Variants in MAN2A1 observed in about 807,000 individuals in gnomAD.
The protein encoded by MAN2A1 is alpha-mannosidase 2.
MAN2A1 carries 76 observed loss-of-function variants against 142.6 expected under a neutral mutation model. The observed-to-expected ratio is 0.53, with a 90% confidence interval of 0.44 to 0.65. The LOEUF (loss-of-function observed/expected upper bound fraction) is 0.65. Among genes scored for constraint, MAN2A1 ranks in the 30% least tolerant of loss-of-function variants. MAN2A1 has a pLI of 0.00. For synonymous variants in MAN2A1, 559 were observed against 473.2 expected (o/e 1.18, Z -2.35); for missense variants, 1,311 against 1,365.1 (o/e 0.96, Z 0.62).
chr5:109,786,194 A>T (rs1753591347), intron 10 of MAN2A1, among the ~76,000 whole-genome samples: 1 of 152,100 alleles, frequency 6.6e-6, no homozygotes, highest in Non-Finnish European at 1.5e-5. Context: ...ATTAGATGAT[A>T]AAGATGGTAT....
intron 3 of MAN2A1, among the ~76,000 whole-genome samples, chr5:109,721,422 A>C (rs1247426708): frequency 6.6e-6 from 1 of 152,176 alleles, no homozygotes; most frequent in Non-Finnish European, 1.5e-5. Context: ...TTGAATTTTC[A>C]ATAACAATGA....
At chr5:109,828,653 C>T (rs1378407682) in intron 16 of MAN2A1, among the ~76,000 whole-genome samples, 4 of 152,098 alleles carry the variant, frequency 2.6e-5, no homozygotes, top group Admixed American at 2.0e-4. Context: ...TGTTTGTTAG[C>T]GAGTTAGTAT....
chr5:109,777,445 T>C (rs1228518698), intron 8 of MAN2A1, among the ~76,000 whole-genome samples: 3 of 152,116 alleles, frequency 2.0e-5, no homozygotes, highest in Non-Finnish European at 2.9e-5. Flanking sequence ...TTTATAGCTC[T>C]TTGGTACATT....
At chr5:109,804,113 TC>T in intron 12 of MAN2A1, 2 of 972,164 alleles carry the variant, frequency 2.1e-6, no homozygotes, top group Non-Finnish European at 2.5e-6. Flanking sequence ...TTCAAAGTCT[TC>T]CACTCTTCTG....
In MAN2A1 at chr5:109,716,140, A is replaced by C. The variant is rs1052859995; in HGVS notation, c.411A>C (p.Leu137=). The C allele has an allele frequency of 2.5e-6, 4 of 1,608,814 alleles. No homozygotes were observed. Among genetic ancestry groups the C allele is most frequent in the African/African-American group, 2.7e-5 (2 of 74,820 alleles). Residue 137 remains leucine (L), a synonymous_variant, in exon 3 of 22, where the codon CTA becomes CTC. Transcript: ENST00000261483. ...TTTAGATGTTGGATGTTTACAGTCT[A>C]ATTTCTTTTGACAATCCAGATGGTG... ...SDVQMLDVYS[L]ISFDNPDGGV... is the part of the protein sequence containing the mutation.
At chr5:109,752,250 A>G (rs1752566766) in intron 4 of MAN2A1, among the ~76,000 whole-genome samples, 1 of 152,142 alleles carries the variant, frequency 6.6e-6, no homozygotes, top group South Asian at 2.1e-4. Flanking sequence ...ATCATCTCAT[A>G]CCTAGATAAT....
chr5:109,839,617 G>A (rs1755146396), intron 16 of MAN2A1, among the ~76,000 whole-genome samples: 1 of 148,880 alleles, frequency 6.7e-6, no homozygotes, highest in Non-Finnish European at 1.5e-5. Flanking sequence ...TTCGAGGCCA[G>A]CCTGAACAAC....
intron 20 of MAN2A1, chr5:109,862,628 G>C (rs1755784799): frequency 6.6e-6 from 1 of 152,162 alleles, no homozygotes; most frequent in Non-Finnish European, 1.5e-5. Flanking sequence ...CAGTGTGACT[G>C]CTTGAAGGTA....
intron 4 of MAN2A1, among the ~76,000 whole-genome samples, chr5:109,737,675 A>G (rs962087063): frequency 1.3e-5 from 2 of 152,180 alleles, no homozygotes; most frequent in African/African-American, 4.8e-5. Flanking sequence ...ATGAAAAAGT[A>G]TCGTTAGAGT....
chr5:109,865,188 T>G, intron 21 of MAN2A1, 42 bp downstream of exon 21: 3 of 1,346,282 alleles, frequency 2.2e-6, no homozygotes, highest in Non-Finnish European at 3.2e-6. Context: ...TAGTGTGCTT[T>G]GAAATCCTCT....
chr5:109,783,311 C>A (rs918741429), intron 9 of MAN2A1, among the ~76,000 whole-genome samples: 1 of 152,086 alleles, frequency 6.6e-6, no homozygotes, highest in African/African-American at 2.4e-5. Context: ...AGTAATATTT[C>A]ATCTCTCTGC....
chr5:109,800,938 G>A (rs1754012298), intron 12 of MAN2A1, among the ~76,000 whole-genome samples: 1 of 152,288 alleles, frequency 6.6e-6, no homozygotes, highest in East Asian at 1.9e-4. Flanking sequence ...ACCCTTATGG[G>A]AAAAGTTTTG....
chr5:109,800,258 A>G (rs1026533539), intron 12 of MAN2A1, among the ~76,000 whole-genome samples: 1 of 152,164 alleles, frequency 6.6e-6, no homozygotes, highest in Non-Finnish European at 1.5e-5. Flanking sequence ...CTTGGTTGAG[A>G]TCCTTGAAGC....
chr5:109,693,869 G>GA (rs149278164), intron 1 of MAN2A1, among the ~76,000 whole-genome samples: 2,788 of 152,292 alleles, frequency 0.018, 33 homozygotes, highest in Middle Eastern at 0.071. Context: ...TCTCAGCTAA[G>GA]AAAATTAATA....
At chr5:109,757,669 C>T (rs369762910) in intron 5 of MAN2A1, among the ~76,000 whole-genome samples, 1 of 152,124 alleles carries the variant, frequency 6.6e-6, no homozygotes, top group South Asian at 2.1e-4. Context: ...CCAAAGAAAC[C>T]TTATACCCAG....
At chr5:109,830,605 G>T (rs940358405) in intron 16 of MAN2A1, among the ~76,000 whole-genome samples, 4 of 152,184 alleles carry the variant, frequency 2.6e-5, no homozygotes, top group African/African-American at 9.7e-5. Context: ...AAGACATTAA[G>T]ATGGTTTGCA....
intron 12 of MAN2A1, among the ~76,000 whole-genome samples, chr5:109,812,062 A>G (rs889881266): frequency 3.9e-5 from 6 of 152,184 alleles, no homozygotes; most frequent in Non-Finnish European, 7.3e-5. Context: ...TGGTCAGGAT[A>G]CCATGAGAGT....
chr5:109,712,797 T>C lies in MAN2A1; in HGVS notation c.136-723T>C, dbSNP rs946430961. 2.0e-5 allele frequency among the ~76,000 whole-genome samples: 3 copies of C among 152,198 alleles called. No individual in the cohort carries two copies. In the South Asian group the frequency reaches 6.2e-4, roughly 32 times the overall value. ...GCCATTTGACAAATAAATGAGTACC[T>C]TCTATGTACTTGGAACCCAGGATAT... On this transcript the variant is annotated intron_variant, in intron 1 of 21. Coordinates refer to ENST00000261483, the MANE Select transcript of MAN2A1 (RefSeq NM_002372.4).
At chr5:109,766,709 A>G (rs551648554) in intron 5 of MAN2A1, among the ~76,000 whole-genome samples, 92 of 152,280 alleles carry the variant, frequency 6.0e-4, no homozygotes, top group African/African-American at 2.0e-3. Context: ...AAATACACAC[A>G]GCAATATTAC....
Sources: gnomAD v4.1 joint callset for allele counts (sites outside exome capture counted in the v4.1 genomes callset) on GRCh38, gnomAD v4.1.1 for gene constraint, MANE v1.5 for transcripts, NCBI Gene and HGNC (gene_info 2026-07-23, HGNC 2026-07-21) for gene names.